Variants in KATNAL2 observed in about 807,000 individuals in gnomAD.
KATNAL2 encodes the protein katanin p60 ATPase-containing subunit A-like 2.
In KATNAL2, 52 loss-of-function variants were observed where a neutral mutation model predicts 76.3. The observed-to-expected ratio is 0.68, with a 90% confidence interval of 0.55 to 0.86. The LOEUF (loss-of-function observed/expected upper bound fraction) is 0.86, where lower values mean the gene tolerates loss of function less well. Among genes scored for constraint, KATNAL2 ranks in the 40% least tolerant of loss-of-function variants. The probability of loss-of-function intolerance (pLI) is 0.00; values close to 1 mark genes in which losing one functional copy is unlikely to be tolerated. For synonymous variants in KATNAL2, 243 were observed against 244.2 expected (o/e 1.00, Z 0.05); for missense variants, 660 against 668.9 (o/e 0.99, Z 0.15).
intron 3 of KATNAL2, chr18:47,034,713 A>AG: frequency 6.2e-7 from 1 of 1,612,940 alleles, no homozygotes; most frequent in Non-Finnish European, 8.5e-7. Flanking sequence ...CAGCGGGCTC[A>AG]GGGCCCTCGG....
intron 1 of KATNAL2, among the ~76,000 whole-genome samples, chr18:46,921,863 C>A (rs954312328): frequency 3.3e-5 from 5 of 152,044 alleles, no homozygotes. Context: ...ACCCATTAGA[C>A]TTTACTGATT....
At position 47,095,419 on chromosome 18, in the gene KATNAL2, C is replaced by G. The variant is rs148582090; in HGVS notation, c.1212-3824C>G. On this transcript the variant is annotated intron_variant, in intron 15 of 17. Coordinates refer to ENST00000683218, the MANE Select transcript of KATNAL2 (RefSeq NM_001387690.1). Reference sequence around the variant, plus strand: ...CCCCCATGCTGTTCTCATGAGATCTCACTGCACCTTGATGGTTTTATAAGT... The same window carrying G: ...CCCCCATGCTGTTCTCATGAGATCTGACTGCACCTTGATGGTTTTATAAGT... Among the ~76,000 whole-genome samples, 43 of 152,252 alleles carry G rather than the reference C, an allele frequency of 2.8e-4. 1 individual carries two copies. The highest frequency in any genetic ancestry group is 1.0e-3 in the African/African-American group (43 of 41,558).
chr18:47,032,604 T>G (rs2060523752), intron 3 of KATNAL2: 1 of 266,886 alleles, frequency 3.7e-6, no homozygotes, highest in South Asian at 4.8e-5. Context: ...TTCGGAGTTA[T>G]CAGTGTCAAC....
chr18:46,945,736 A>G (rs1461561859), intron 1 of KATNAL2, among the ~76,000 whole-genome samples: 1 of 152,258 alleles, frequency 6.6e-6, no homozygotes, highest in African/African-American at 2.4e-5. Context: ...AGCCAAGTAA[A>G]TCGCATAGTA....
intron 15 of KATNAL2, among the ~76,000 whole-genome samples, chr18:47,092,631 CTA>C (rs1253178371): frequency 3.3e-5 from 5 of 152,196 alleles, no homozygotes; most frequent in African/African-American, 1.2e-4. Flanking sequence ...TCCAGGCATT[CTA>C]TGAGTTTCAT....
intron 1 of KATNAL2, among the ~76,000 whole-genome samples, chr18:46,929,193 A>T (rs1270975752): frequency 2.0e-5 from 3 of 151,488 alleles, no homozygotes; most frequent in African/African-American, 7.3e-5. Flanking sequence ...GGCTTTTTAA[A>T]TTCAGCATAA....
At chr18:47,036,884 G>T (rs2060796251) in intron 3 of KATNAL2, among the ~76,000 whole-genome samples, 1 of 152,034 alleles carries the variant, frequency 6.6e-6, no homozygotes, top group Non-Finnish European at 1.5e-5. Flanking sequence ...CATTTTTTTG[G>T]GTTGTACAGC....
chr18:46,937,496 T>C (rs1341521633), intron 1 of KATNAL2, among the ~76,000 whole-genome samples: 1 of 152,064 alleles, frequency 6.6e-6, no homozygotes, highest in African/African-American at 2.4e-5. Context: ...ACTAAAGAAA[T>C]CTGAATAAAG....
intron 4 of KATNAL2, among the ~76,000 whole-genome samples, chr18:47,051,200 C>T (rs983992014): frequency 6.6e-6 from 1 of 152,104 alleles, no homozygotes; most frequent in Non-Finnish European, 1.5e-5. Context: ...CATTCAAGCT[C>T]AGCTCACTTG....
chr18:47,082,596 A>G (rs1206074267), intron 15 of KATNAL2, among the ~76,000 whole-genome samples: 1 of 152,164 alleles, frequency 6.6e-6, no homozygotes, highest in East Asian at 1.9e-4. Context: ...ATCTTTTCAA[A>G]TAAGTATATA....
chr18:47,033,324 C>T, intron 3 of KATNAL2: 1 of 1,613,778 alleles, frequency 6.2e-7, no homozygotes, highest in South Asian at 1.1e-5. Context: ...GCGTCTTGGC[C>T]ACAGATTTGA....
At chr18:47,096,381 A>T (rs191805672) in intron 15 of KATNAL2, among the ~76,000 whole-genome samples, 5 of 152,182 alleles carry the variant, frequency 3.3e-5, no homozygotes, top group Admixed American at 3.3e-4. Context: ...TATTTCTGTC[A>T]CTCAGGCTGG....
intron 15 of KATNAL2, among the ~76,000 whole-genome samples, chr18:47,089,712 CATCTT>C (rs1322937970): frequency 6.6e-6 from 1 of 152,154 alleles, no homozygotes; most frequent in Non-Finnish European, 1.5e-5. Flanking sequence ...TAAAATATAA[CATCTT>C]ATTTCCATTG....
At position 47,071,953 on chromosome 18, in the gene KATNAL2, C is replaced by CTTTTTTTTTTTTTTT. The variant is rs574265545; in HGVS notation, c.1008+2377_1008+2391dup. 6.8e-5 allele frequency among the ~76,000 whole-genome samples: 3 copies of CTTTTTTTTTTTTTTT among 43,954 alleles called. 1 individual carries two copies. Among genetic ancestry groups the CTTTTTTTTTTTTTTT allele is most frequent in the African/African-American group, 3.6e-4 (3 of 8,346 alleles). 28.8% of individuals were successfully genotyped at this position (43,954 alleles called of 152,430 possible). On this transcript the variant is annotated intron_variant, in intron 13 of 17. Coordinates refer to ENST00000683218, the MANE Select transcript of KATNAL2 (RefSeq NM_001387690.1). Reference sequence around the variant, plus strand: ...GAAACAATTCCTCTCCCAATTTCTTCTTTTTTTTTTTTTTTTTTTTTTTTT... The same window carrying CTTTTTTTTTTTTTTT: ...GAAACAATTCCTCTCCCAATTTCTTCTTTTTTTTTTTTTTTTTTTTTTTTTTTTTTTTTTTTTTTT...
At chr18:47,083,498 T>C (rs1280436328) in intron 15 of KATNAL2, among the ~76,000 whole-genome samples, 2 of 152,178 alleles carry the variant, frequency 1.3e-5, no homozygotes, top group Admixed American at 6.5e-5. Context: ...TCTAGACACA[T>C]AGATTCCGTC....
At chr18:47,028,501 TTGTC>T (rs1256191664) in intron 3 of KATNAL2, 25 of 339,304 alleles carry the variant, frequency 7.4e-5, no homozygotes, top group South Asian at 7.1e-4. Context: ...CAGATCATCT[TTGTC>T]TGTCGGCCGC....
chr18:47,035,872 AAAG>A (rs2060752015), intron 3 of KATNAL2, among the ~76,000 whole-genome samples: 1 of 152,236 alleles, frequency 6.6e-6, no homozygotes, highest in Non-Finnish European at 1.5e-5. Flanking sequence ...AAAATCATAG[AAAG>A]AAGAACCAAT....
chr18:47,076,396 G>C (rs1426138148), intron 14 of KATNAL2: 1 of 152,164 alleles, frequency 6.6e-6, no homozygotes, highest in Non-Finnish European at 1.5e-5. Flanking sequence ...AGGCCTGATA[G>C]AAGCAGGCAA....
At chr18:46,953,866 C>T (rs1022904816) in intron 3 of KATNAL2, among the ~76,000 whole-genome samples, 1 of 152,096 alleles carries the variant, frequency 6.6e-6, no homozygotes, top group Non-Finnish European at 1.5e-5. Flanking sequence ...AATCAGGTAC[C>T]AGGGCCCTTT....
Sources: allele counts gnomAD v4.1 joint callset (sites outside exome capture counted in the v4.1 genomes callset), GRCh38; gene constraint gnomAD v4.1.1; transcripts MANE v1.5; gene names NCBI Gene and HGNC (gene_info 2026-07-23, HGNC 2026-07-21).